The following TENM2 variants were observed in gnomAD, a reference collection of about 807,000 sequenced individuals.
TENM2 encodes teneurin transmembrane protein 2.
Under a neutral mutation model 245.2 loss-of-function variants are expected in TENM2, and 52 were observed. That is an observed-to-expected ratio of 0.21 (90% CI 0.17 to 0.27). The LOEUF (loss-of-function observed/expected upper bound fraction) is 0.27, where lower values mean the gene tolerates loss of function less well. Ranked by LOEUF, TENM2 falls within the 10% of genes least tolerant of loss-of-function variation. TENM2 has a pLI of 1.00. For synonymous variants in TENM2, 1,363 were observed against 1,438.9 expected, an observed-to-expected ratio of 0.95 and a Z score of 1.19; for missense variants, 3,046 against 3,666.8, an observed-to-expected ratio of 0.83 and a Z score of 4.37.
chr5:167,045,624 C>G, the TENM2 span, among the ~76,000 whole-genome samples: 1 of 152,202 alleles, frequency 6.6e-6, no homozygotes, highest in Non-Finnish European at 1.5e-5. Context: ...ATGCTTAACT[C>G]TGTACATAGT....
At chr5:168,203,587 A>G in intron 17 of TENM2, 102 bp from the exon 20 acceptor site, 2 of 1,230,908 alleles carry the variant, frequency 1.6e-6, no homozygotes, top group Non-Finnish European at 2.2e-6. Flanking sequence ...CAGAATCTGT[A>G]TTACTGCGAA....
At chr5:167,817,957 T>A (rs560994476) in intron 2 of TENM2, among the ~76,000 whole-genome samples, 5 of 152,276 alleles carry the variant, frequency 3.3e-5, no homozygotes, top group African/African-American at 1.2e-4. Context: ...CAGCCTCTCT[T>A]CCCTGTAACT....
chr5:167,321,782 C>CTATTTT (rs1728346083), intron 1 of TENM2, among the ~76,000 whole-genome samples: 1 of 59,738 alleles, frequency 1.7e-5, no homozygotes, highest in Non-Finnish European at 3.1e-5. Flanking sequence ...GCTGCCTTGG[C>CTATTTT]TTATTTTTTT....
At chr5:167,398,424 CTTTCTT>C (rs1310890028) in intron 2 of TENM2, among the ~76,000 whole-genome samples, 1 of 109,108 alleles carries the variant, frequency 9.2e-6, no homozygotes, top group Non-Finnish European at 1.9e-5. Flanking sequence ...CTCTCTCTCT[CTTTCTT>C]ACTATTTTTT....
intron 2 of TENM2, among the ~76,000 whole-genome samples, chr5:167,450,920 T>C (rs1765535324): frequency 6.6e-6 from 1 of 152,238 alleles, no homozygotes; most frequent in Admixed American, 6.5e-5. Flanking sequence ...TCTGACTCTT[T>C]AATGTGTTGA....
the TENM2 span, among the ~76,000 whole-genome samples, chr5:167,241,027 C>T: frequency 6.6e-6 from 1 of 152,120 alleles, no homozygotes; most frequent in Non-Finnish European, 1.5e-5. Flanking sequence ...CAAAATAGAT[C>T]ACCACCTTTC....
rs766746088 is a variant in TENM2 at position 168,262,315 on chromosome 5, C to T, written c.7830C>T (p.His2610=). Residue 2610 remains histidine, a synonymous_variant, in exon 29 of 29, where the codon CAC becomes CAT. Coordinates refer to ENST00000518659, the Ensembl canonical transcript of TENM2. ...ACGCCTACTACCTGGACAAGATGCA[C>T]TACAGCATCGAGGGCAAGGACACCC... is the stretch of plus-strand genomic sequence containing the variant. 6 of 1,610,312 alleles carry T rather than the reference C, an allele frequency of 3.7e-6. No individual in the cohort carries two copies. In the African/African-American group the frequency reaches 8.0e-5, roughly 22 times the overall value.
chr5:167,710,724 T>G (rs1758854789), intron 2 of TENM2, among the ~76,000 whole-genome samples: 2 of 152,176 alleles, frequency 1.3e-5, no homozygotes, highest in African/African-American at 4.8e-5. Flanking sequence ...GACATTAACC[T>G]GAGGGCATTG....
chr5:166,990,409 T>C, the TENM2 span, among the ~76,000 whole-genome samples: 2 of 152,158 alleles, frequency 1.3e-5, no homozygotes, highest in Non-Finnish European at 2.9e-5. Flanking sequence ...TGAAAAAATA[T>C]GAGATACTGA....
chr5:167,303,868 A>G (rs1755507995), intron 1 of TENM2, among the ~76,000 whole-genome samples: 1 of 152,182 alleles, frequency 6.6e-6, no homozygotes, highest in South Asian at 2.1e-4. Context: ...AGTGTCTCTC[A>G]GGGCTGGCAG....
At chr5:168,054,471 A>G (rs1336242595) in intron 6 of TENM2, among the ~76,000 whole-genome samples, 1 of 152,228 alleles carries the variant, frequency 6.6e-6, no homozygotes, top group Non-Finnish European at 1.5e-5. Context: ...ATTCAATTTT[A>G]TTTGCAATAG....
At chr5:167,167,166 A>G in the TENM2 span, among the ~76,000 whole-genome samples, 1 of 152,300 alleles carries the variant, frequency 6.6e-6, no homozygotes, top group Non-Finnish European at 1.5e-5. Flanking sequence ...ACAAAGCCAT[A>G]GTTTTTTATT....
intron 9 of TENM2, among the ~76,000 whole-genome samples, chr5:168,105,342 C>T (rs1264231937): frequency 2.0e-5 from 3 of 152,008 alleles, no homozygotes; most frequent in African/African-American, 7.2e-5. Context: ...TGGCCAAGTG[C>T]CTTTATTGCT....
At chr5:167,867,149 A>G (rs1450509299) in intron 2 of TENM2, among the ~76,000 whole-genome samples, 1 of 152,200 alleles carries the variant, frequency 6.6e-6, no homozygotes, top group Admixed American at 6.5e-5. Flanking sequence ...CAGGTGTGTC[A>G]CTGCAGGTAA....
At chr5:168,246,234 T>G (rs1350593844) in intron 26 of TENM2, among the ~76,000 whole-genome samples, 2 of 111,300 alleles carry the variant, frequency 1.8e-5, no homozygotes, top group African/African-American at 3.0e-5. Flanking sequence ...AGACTCTGTT[T>G]CAAAAAAAAA....
At chr5:168,135,893 C>T (rs1243263881) in intron 12 of TENM2, among the ~76,000 whole-genome samples, 4 of 152,030 alleles carry the variant, frequency 2.6e-5, no homozygotes, top group African/African-American at 9.7e-5. Context: ...GGGTTTTGGG[C>T]AGGGGTTTTA....
chr5:167,510,019 T>A (rs993872741), intron 2 of TENM2, among the ~76,000 whole-genome samples: 1 of 152,172 alleles, frequency 6.6e-6, no homozygotes, highest in Admixed American at 6.6e-5. Flanking sequence ...ACTATCAATG[T>A]TTTATCTACT....
chr5:168,078,383 A>T (rs375900458), intron 7 of TENM2, among the ~76,000 whole-genome samples: 5 of 152,052 alleles, frequency 3.3e-5, no homozygotes, highest in Non-Finnish European at 5.9e-5. Flanking sequence ...GTAGGTTGCC[A>T]GTTCACTCTG....
intron 3 of TENM2, among the ~76,000 whole-genome samples, chr5:167,929,980 A>G (rs554443965): frequency 1.3e-5 from 2 of 152,326 alleles, no homozygotes; most frequent in Admixed American, 1.3e-4. Context: ...AATTCTCAAG[A>G]CAACACTGTT....
Sources: gnomAD v4.1 joint callset for allele counts (sites outside exome capture counted in the v4.1 genomes callset) on GRCh38, gnomAD v4.1.1 for gene constraint, MANE v1.5 for transcripts, NCBI Gene and HGNC (gene_info 2026-07-23, HGNC 2026-07-21) for gene names.